Variants in NCF2 observed in about 807,000 individuals in gnomAD.
The protein encoded by NCF2 is neutrophil cytosol factor 2.
A neutral mutation model predicts 70.9 loss-of-function variants in NCF2; 45 were observed. The observed-to-expected ratio is 0.63, with a 90% CI of 0.50 to 0.81. The LOEUF (loss-of-function observed/expected upper bound fraction) is 0.81, where lower values mean the gene tolerates loss of function less well. Among genes scored for constraint, NCF2 ranks in the 40% least tolerant of loss-of-function variants. The pLI, the probability that NCF2 is intolerant of heterozygous loss-of-function variation, is 0.00. For synonymous variants in NCF2, 203 were observed against 233.6 expected (o/e 0.87, Z 1.19); for missense variants, 522 against 631.6 (o/e 0.83, Z 1.86).
chr1:183,561,551 A>C (rs1329435800), intron 13 of NCF2, among the ~76,000 whole-genome samples: 3 of 152,206 alleles, frequency 2.0e-5, no homozygotes, highest in Non-Finnish European at 4.4e-5. Context: ...AATATGTATA[A>C]ATATTTAGAC....
At chr1:183,559,443 G>T (rs965608837) in intron 14 of NCF2, among the ~76,000 whole-genome samples, 1 of 152,198 alleles carries the variant, frequency 6.6e-6, no homozygotes, top group Non-Finnish European at 1.5e-5. Flanking sequence ...TTAATTCAAA[G>T]AACTATGGTT....
At chr1:183,561,117 T>C (rs1460522193) in intron 13 of NCF2, among the ~76,000 whole-genome samples, 1 of 152,230 alleles carries the variant, frequency 6.6e-6, no homozygotes, top group East Asian at 1.9e-4. Context: ...TTCTTATACA[T>C]CTTAGACTTA....
chr1:183,597,399 T>C, the NCF2 span, among the ~76,000 whole-genome samples: 1 of 152,184 alleles, frequency 6.6e-6, no homozygotes, highest in East Asian at 1.9e-4. Context: ...ATCACGTCAT[T>C]GTACAAAAAA....
intron 5 of NCF2, among the ~76,000 whole-genome samples, chr1:183,571,629 T>A (rs1672568431): frequency 6.6e-6 from 1 of 152,234 alleles, no homozygotes; most frequent in African/African-American, 2.4e-5. Flanking sequence ...CTCTGAGTTT[T>A]AAAAATCAGA....
chr1:183,598,567 T>G, the NCF2 span, among the ~76,000 whole-genome samples: 1 of 150,508 alleles, frequency 6.6e-6, no homozygotes, highest in South Asian at 2.1e-4. Context: ...AAGCCCAGAG[T>G]GAGCTGAGGC....
At chr1:183,601,409 C>A in the NCF2 span, among the ~76,000 whole-genome samples, 1 of 152,176 alleles carries the variant, frequency 6.6e-6, no homozygotes, top group African/African-American at 2.4e-5. Flanking sequence ...TCATTTCACA[C>A]GTCTGTAAAC....
At position 183,573,312 on chromosome 1, in the gene NCF2, G is replaced by A; in HGVS notation, c.502-20C>T. The A allele has an allele frequency of 2.5e-6, 4 of 1,606,582 alleles. No individual in the cohort carries two copies. Among genetic ancestry groups the A allele is most frequent in the Non-Finnish European group, 3.4e-6 (4 of 1,173,130 alleles). ...CTGCTTCTGTAACACAGAAAACGTA[G>A]CATTCCCTTATGTGAAAATGGGGGT... On this transcript the variant is annotated intron_variant, in intron 4 of 14. Coordinates refer to ENST00000367535, the MANE Select transcript of NCF2 (RefSeq NM_000433.4).
At chr1:183,593,915 G>C (rs1299065844), upstream of NCF2, among the ~76,000 whole-genome samples, 2 of 152,172 alleles carry the variant, frequency 1.3e-5, no homozygotes, top group East Asian at 3.8e-4. Context: ...TTCTTCCCCA[G>C]TGATAAAAAA....
chr1:183,562,349 C>T (rs1009490813), intron 13 of NCF2, among the ~76,000 whole-genome samples: 28 of 151,984 alleles, frequency 1.8e-4, no homozygotes, highest in Admixed American at 1.8e-3. Flanking sequence ...AGCTGGAAAA[C>T]CTAGAGTGAC....
At chr1:183,592,697 A>ATT (rs1200965936), upstream of NCF2, among the ~76,000 whole-genome samples, 85 of 152,354 alleles carry the variant, frequency 5.6e-4, no homozygotes, top group African/African-American at 1.9e-3. Flanking sequence ...TGAGAAAACC[A>ATT]AATGGATTTG....
intron 14 of NCF2, 64 bp from the exon 15 acceptor site, chr1:183,556,294 T>C: frequency 7.1e-7 from 1 of 1,408,402 alleles, no homozygotes; most frequent in Non-Finnish European, 1.0e-6. Flanking sequence ...CCTGTCTGGC[T>C]ATTCCACACA....
chr1:183,583,629 G>A (rs1039248442), intron 2 of NCF2, among the ~76,000 whole-genome samples: 4 of 152,176 alleles, frequency 2.6e-5, no homozygotes, highest in African/African-American at 4.8e-5. Flanking sequence ...TACGAAATTC[G>A]TAGAGTAGTG....
At position 183,590,224 on chromosome 1, in the gene NCF2, G is replaced by A; in HGVS notation, c.106C>T (p.His36Tyr). 1 of 1,614,172 alleles carries A rather than the reference G, an allele frequency of 6.2e-7. No homozygotes were observed. Among genetic ancestry groups the A allele is most frequent in the Non-Finnish European group, 8.5e-7 (1 of 1,180,026 alleles). The change falls in exon 1 of 15, where the codon CAC becomes TAC. Residue 36 changes from histidine to tyrosine, a missense_variant. By Grantham distance (83) the His-to-Tyr change is moderately conservative (BLOSUM62 2). Coordinates refer to ENST00000367535, the MANE Select transcript of NCF2 (RefSeq NM_000433.4). ...CCAATGTTGAAGCAAATCCGGGAGT[G>A]GGGGTCCTGGACGGCACTGAAGGCA... ...LDAFSAVQDPHSRICFNIGCM... is the reference protein window; with the variant it reads ...LDAFSAVQDPYSRICFNIGCM...
rs531062648 is a variant in NCF2 at position 183,567,890 on chromosome 1, C to T, written c.714-545G>A. On this transcript the variant is annotated intron_variant, in intron 7 of 14. Transcript: ENST00000367535. ...GAGGGCTCTGAGGCTGCCCAGCTGC[C>T]GTGGTGCAGTGTCGGTTCCCTTAAG... 1.0e-3 allele frequency among the ~76,000 whole-genome samples: 157 copies of T among 152,176 alleles called. 1 individual carries two copies. Among genetic ancestry groups the T allele is most frequent in the Non-Finnish European group, 3.5e-4 (24 of 67,988 alleles).
intron 7 of NCF2, 53 bp from the exon 8 acceptor site, chr1:183,567,398 G>C: frequency 6.2e-7 from 1 of 1,610,390 alleles, no homozygotes; most frequent in Non-Finnish European, 8.5e-7. Flanking sequence ...TGATGCCATG[G>C]CGCAAATACA....
intron 2 of NCF2, among the ~76,000 whole-genome samples, chr1:183,586,535 A>G (rs1673359937): frequency 6.6e-6 from 1 of 152,180 alleles, no homozygotes; most frequent in Admixed American, 6.5e-5. Context: ...GTTTTGATGC[A>G]GTTTCATGAT....
At chr1:183,587,108 G>A in intron 1 of NCF2, 131 bp from the exon 2 acceptor site, 1 of 850,114 alleles carries the variant, frequency 1.2e-6, no homozygotes, top group Non-Finnish European at 2.0e-6. Context: ...GCACCTCGAG[G>A]CCCACCCTGT....
At chr1:183,577,500 A>G (rs551263362) in intron 3 of NCF2, 99 bp downstream of exon 3, 5 of 997,108 alleles carry the variant, frequency 5.0e-6, no homozygotes, top group African/African-American at 1.6e-5. Flanking sequence ...GGCTTTTCCA[A>G]GCTCCTGGAG....
Position 183,563,652 on chromosome 1 carries a change from C to T in NCF2, c.1027-67G>A, listed in dbSNP as rs532107179. 57 of 1,600,056 alleles carry T rather than the reference C, an allele frequency of 3.6e-5. No individual in the cohort carries two copies. In the African/African-American group the frequency reaches 5.2e-4, roughly 15 times the overall value. On this transcript the variant is annotated intron_variant, in intron 11 of 14. Transcript: ENST00000367535. The stretch of plus-strand genomic sequence containing the variant: ...GCTTTCTCTCAACATCCTGGATCAC[C>T]GCAGTTTCGTGATTTGGCACAGGGG...
Sources: gnomAD v4.1 joint callset for allele counts (sites outside exome capture counted in the v4.1 genomes callset) on GRCh38, gnomAD v4.1.1 for gene constraint, MANE v1.5 for transcripts, NCBI Gene and HGNC (gene_info 2026-07-23, HGNC 2026-07-21) for gene names.